The following MTHFD1 variants were observed in gnomAD, a reference collection of about 807,000 sequenced individuals.
MTHFD1 encodes methylenetetrahydrofolate dehydrogenase, cyclohydrolase and formyltetrahydrofolate synthetase 1.
In MTHFD1, 44 loss-of-function variants were observed where a neutral mutation model predicts 110.3. That is an observed-to-expected ratio of 0.40 (90% CI 0.31 to 0.51). MTHFD1 has a LOEUF of 0.51. Ranked by LOEUF, MTHFD1 falls within the 20% of genes least tolerant of loss-of-function variation. The pLI, the probability that MTHFD1 is intolerant of heterozygous loss-of-function variation, is 0.60. For missense variants in MTHFD1, 909 were observed against 1,173.1 expected, an observed-to-expected ratio of 0.77 and a Z score of 3.29; for synonymous variants, 402 against 428.8, an observed-to-expected ratio of 0.94 and a Z score of 0.77.
At position 64,417,013 on chromosome 14, in the gene MTHFD1, C is replaced by G. The variant is rs1489619130; in HGVS notation, c.479-875C>G. 6.6e-6 allele frequency among the ~76,000 whole-genome samples: 1 copy of G among 152,210 alleles called. No homozygotes were observed. Among genetic ancestry groups the G allele is most frequent in the Non-Finnish European group, 1.5e-5 (1 of 68,034 alleles). Reference sequence around the variant, plus strand: ...TTATGCGAGAAGCACAATTTAAACCCTTGCTGCTTTGAGCAAGGGTCCACT... The same window carrying G: ...TTATGCGAGAAGCACAATTTAAACCGTTGCTGCTTTGAGCAAGGGTCCACT... On this transcript the variant is annotated intron_variant, in intron 6 of 27. Transcript: ENST00000652337. This position sits in a 1 kb window ranked among gnomAD's most constrained non-coding sequence, Gnocchi z 4.4.
At chr14:64,397,177 AT>A (rs2077862214) in intron 1 of MTHFD1, among the ~76,000 whole-genome samples, 1 of 18,914 alleles carries the variant, frequency 5.3e-5, no homozygotes, top group Non-Finnish European at 9.5e-5. Flanking sequence ...ATATATATAT[AT>A]ATATATATAT....
chr14:64,391,333 T>G lies in MTHFD1; in HGVS notation c.41+2865T>G, dbSNP rs529024051. ...GCATGCACTACTATGCCCGGCTAAT[T>G]TTTGAATTTTTAGTAGAGATGGGGT... is the stretch of plus-strand genomic sequence containing the variant. On this transcript the variant is annotated intron_variant, in intron 1 of 27. Coordinates refer to ENST00000652337, the MANE Select transcript of MTHFD1 (RefSeq NM_005956.4). Among the ~76,000 whole-genome samples the G allele has an allele frequency of 3.3e-3, 505 of 152,124 alleles. 1 individual carries two copies. Among genetic ancestry groups the G allele is most frequent in the Non-Finnish European group, 5.0e-3 (340 of 67,984 alleles).
chr14:64,446,761 C>T (rs2078292099), intron 22 of MTHFD1, among the ~76,000 whole-genome samples: 1 of 152,182 alleles, frequency 6.6e-6, no homozygotes, highest in African/African-American at 2.4e-5. Context: ...CCAGGATGGT[C>T]TCGATCTCCT....
rs895610639 is a variant in MTHFD1 at position 64,441,816 on chromosome 14, A to C, written c.1885-238A>C. On this transcript the variant is annotated intron_variant, in intron 19 of 27. Coordinates refer to ENST00000652337, the MANE Select transcript of MTHFD1 (RefSeq NM_005956.4). ...AGACTCCGTGTCAAAAAAAAAAAAA[A>C]AAAATTAAGCACACTTAACCTGGGT... 5 of 598,814 alleles carry C rather than the reference A, an allele frequency of 8.3e-6. No individual in the cohort carries two copies. The African/African-American group carries it at 9.3e-5, about 11-fold the overall frequency. 37.1% of individuals were successfully genotyped at this position (598,814 alleles called of 1,614,324 possible). A position where few individuals can be genotyped will look rare whatever the true frequency, so the allele number is the denominator to read the frequency against.
intron 24 of MTHFD1, 58 bp downstream of exon 24, chr14:64,449,680 T>G: frequency 2.2e-5 from 34 of 1,578,702 alleles, no homozygotes; most frequent in Non-Finnish European, 2.9e-5. Context: ...CAGTGAAGTT[T>G]CTGTGTGGCT....
At chr14:64,442,446 C>T (rs367833501) in intron 21 of MTHFD1, 44 bp downstream of exon 21, 37 of 1,600,756 alleles carry the variant, frequency 2.3e-5, no homozygotes, top group African/African-American at 1.3e-4. Context: ...AGTGTGCTGA[C>T]GGCCAAAAGG....
chr14:64,400,163 G>A (rs1042830768), intron 1 of MTHFD1, among the ~76,000 whole-genome samples: 1 of 141,050 alleles, frequency 7.1e-6, no homozygotes, highest in Non-Finnish European at 1.5e-5. Context: ...CTGAGGTGGG[G>A]GGATCACCTG....
intron 9 of MTHFD1, among the ~76,000 whole-genome samples, chr14:64,425,509 C>A (rs1164997809): frequency 6.6e-6 from 1 of 152,160 alleles, no homozygotes; most frequent in Non-Finnish European, 1.5e-5. Flanking sequence ...CCGTGCCCGG[C>A]CTGTTTTCCC....
intron 4 of MTHFD1, among the ~76,000 whole-genome samples, chr14:64,413,284 G>A (rs1184971276): frequency 3.3e-5 from 5 of 152,064 alleles, no homozygotes; most frequent in African/African-American, 9.7e-5. Context: ...CCCGGGAGGC[G>A]GAGGTTGCAG....
At chr14:64,450,395 C>G (rs1237682301) in intron 24 of MTHFD1, among the ~76,000 whole-genome samples, 1 of 152,156 alleles carries the variant, frequency 6.6e-6, no homozygotes, top group Non-Finnish European at 1.5e-5. Context: ...GGTGCTGCCT[C>G]AAGTTGAGGG....
intron 26 of MTHFD1, among the ~76,000 whole-genome samples, chr14:64,455,399 T>C (rs1034340380): frequency 4.6e-5 from 7 of 152,200 alleles, no homozygotes; most frequent in Non-Finnish European, 7.3e-5. Context: ...TTATTTACGC[T>C]TCAAGGTGAA....
chr14:64,449,050 C>CATTAAAAAA, intron 23 of MTHFD1: 1 of 322,204 alleles, frequency 3.1e-6, no homozygotes, highest in East Asian at 7.9e-5. Flanking sequence ...TCTCCCACCT[C>CATTAAAAAA]GGCCTCCCAA....
At chr14:64,391,616 T>G (rs1448966544) in intron 1 of MTHFD1, among the ~76,000 whole-genome samples, 1 of 152,214 alleles carries the variant, frequency 6.6e-6, no homozygotes, top group African/African-American at 2.4e-5. Context: ...CATTCCAGAT[T>G]CCTTCTCTAC....
chr14:64,449,811 C>T (rs552887453), intron 24 of MTHFD1, among the ~76,000 whole-genome samples, 189 bp downstream of exon 24: 215 of 152,300 alleles, frequency 1.4e-3, no homozygotes, highest in African/African-American at 4.7e-3. Flanking sequence ...ATTTTTGAGA[C>T]GGAGTCTTGC....
At chr14:64,453,464 G>A (rs1465700617) in intron 24 of MTHFD1, among the ~76,000 whole-genome samples, 3 of 152,180 alleles carry the variant, frequency 2.0e-5, no homozygotes, top group East Asian at 3.9e-4. Flanking sequence ...CCAGCTACTC[G>A]GGAGGCTGAG....
chr14:64,411,144 G>A lies in MTHFD1; in HGVS notation c.181G>A (p.Glu61Lys). The change falls in exon 3 of 28, where the codon GAA becomes AAA. Residue 61 changes from glutamate (E) to lysine (K), a missense_variant. Transcript: ENST00000652337. Reference sequence around the variant, plus strand: ...TATAAATGTGAAGCTGAAGGCTGCTGAAGAGGTAACGCCAGAAGAGCTGTG... The same window carrying A: ...TATAAATGTGAAGCTGAAGGCTGCTAAAGAGGTAACGCCAGAAGAGCTGTG... ...LYINVKLKAAEEIGIKATHIK... is the reference protein window; with the variant it reads ...LYINVKLKAAKEIGIKATHIK... The A allele has an allele frequency of 1.2e-6, 2 of 1,612,492 alleles. No individual in the cohort carries two copies. The highest frequency in any genetic ancestry group is 1.7e-6 in the Non-Finnish European group (2 of 1,179,260).
In MTHFD1 at chr14:64,451,551, A is replaced by G. The variant is rs990485412; in HGVS notation, c.2457+1929A>G. 4.6e-5 allele frequency among the ~76,000 whole-genome samples: 7 copies of G among 152,284 alleles called. No individual in the cohort carries two copies. In the South Asian group the frequency reaches 1.0e-3, roughly 22 times the overall value. ...GCAATCATCCTTTTAGAAAAATGCCATAAACACAAATTTGCACACAAATGC... is the reference window on the plus strand; with the variant it reads ...GCAATCATCCTTTTAGAAAAATGCCGTAAACACAAATTTGCACACAAATGC... On this transcript the variant is annotated intron_variant, in intron 24 of 27. Transcript: ENST00000652337.
chr14:64,458,098 C>A, intron 26 of MTHFD1, 116 bp from the exon 27 acceptor site: 1 of 821,624 alleles, frequency 1.2e-6, no homozygotes, highest in Non-Finnish European at 2.2e-6. Context: ...ACTATGTTGC[C>A]CAGGGTGGTT....
At chr14:64,413,346 C>T (rs1293678803) in intron 4 of MTHFD1, among the ~76,000 whole-genome samples, 1 of 152,078 alleles carries the variant, frequency 6.6e-6, no homozygotes, top group Non-Finnish European at 1.5e-5. Flanking sequence ...GAGCAAAACT[C>T]CGTCTCAAAA....
Sources: allele counts gnomAD v4.1 joint callset (sites outside exome capture counted in the v4.1 genomes callset), GRCh38; gene constraint gnomAD v4.1.1; non-coding constraint Gnocchi (gnomAD v3.1); transcripts MANE v1.5; gene names NCBI Gene and HGNC (gene_info 2026-07-23, HGNC 2026-07-21).